The following SLC4A4 variants were observed in gnomAD, a reference collection of about 807,000 sequenced individuals.
SLC4A4 encodes solute carrier family 4 member 4, also known as electrogenic sodium bicarbonate cotransporter 1.
SLC4A4 carries 27 observed loss-of-function variants against 111.5 expected under a neutral mutation model. The ratio of observed to expected loss-of-function variants is 0.24; its 90% CI spans 0.18 to 0.33. The LOEUF (loss-of-function observed/expected upper bound fraction) is 0.33. Among genes scored for constraint, SLC4A4 ranks in the 10% least tolerant of loss-of-function variants. The pLI, the probability that SLC4A4 is intolerant of heterozygous loss-of-function variation, is 1.00. For synonymous variants in SLC4A4, 443 were observed against 463.4 expected, an observed-to-expected ratio of 0.96 and a Z score of 0.57; for missense variants, 909 against 1,315.5, an observed-to-expected ratio of 0.69 and a Z score of 4.78.
At chr4:71,224,184 G>A (rs2149026019) in intron 1 of SLC4A4, among the ~76,000 whole-genome samples, 1 of 152,174 alleles carries the variant, frequency 6.6e-6, no homozygotes, top group East Asian at 1.9e-4. Context: ...TCTTCTCTGA[G>A]CCTGATCCTC....
chr4:71,516,375 G>T (rs1732399704), intron 16 of SLC4A4, among the ~76,000 whole-genome samples: 1 of 152,090 alleles, frequency 6.6e-6, no homozygotes, highest in Non-Finnish European at 1.5e-5. Flanking sequence ...GGGATTACAG[G>T]CGTGAGCCAC....
intron 3 of SLC4A4, among the ~76,000 whole-genome samples, chr4:71,299,259 A>C (rs987952485): frequency 1.3e-5 from 2 of 152,248 alleles, no homozygotes; most frequent in African/African-American, 4.8e-5. Flanking sequence ...GGTGCTAAGG[A>C]AATGAGTAGC....
intron 3 of SLC4A4, among the ~76,000 whole-genome samples, chr4:71,268,897 G>T (rs1346262177): frequency 6.6e-6 from 1 of 152,230 alleles, no homozygotes; most frequent in African/African-American, 2.4e-5. Context: ...TTATTTTTGT[G>T]TAGTGCTGTA....
chr4:71,526,590 C>T (rs2149201761), intron 16 of SLC4A4, among the ~76,000 whole-genome samples: 2 of 152,178 alleles, frequency 1.3e-5, no homozygotes, highest in Middle Eastern at 6.8e-3. Context: ...GTATCATTAA[C>T]ATATCTCTGT....
intron 7 of SLC4A4, among the ~76,000 whole-genome samples, chr4:71,403,024 A>G (rs1281905422): frequency 2.0e-5 from 3 of 152,202 alleles, no homozygotes; most frequent in South Asian, 2.1e-4. Context: ...GTATTTTAAA[A>G]TTGGGACAGT....
intron 2 of SLC4A4, among the ~76,000 whole-genome samples, chr4:71,109,242 G>A (rs1400010041): frequency 2.0e-5 from 3 of 152,010 alleles, no homozygotes; most frequent in Admixed American, 1.3e-4. Flanking sequence ...CTTTTCCTGG[G>A]CATTCATGGT....
upstream of SLC4A4, among the ~76,000 whole-genome samples, chr4:71,185,668 C>A (rs76980738): frequency 6.6e-6 from 1 of 152,150 alleles, no homozygotes; most frequent in African/African-American, 2.4e-5. Flanking sequence ...AGGCTCCATA[C>A]CTGCTTTCCA....
chr4:71,362,008 C>T (rs919973286), intron 6 of SLC4A4, among the ~76,000 whole-genome samples: 9 of 151,816 alleles, frequency 5.9e-5, no homozygotes, highest in African/African-American at 1.5e-4. Flanking sequence ...TTGTCTTATC[C>T]CAAAGCTTGC....
rs71673479 is a variant in SLC4A4 at position 71,534,586 on chromosome 4, GA to G, written c.2442+210del. Among the ~76,000 whole-genome samples, 40,149 of 139,174 alleles carry G rather than the reference GA, an allele frequency of 0.29. 6,155 individuals carry two copies. The highest frequency in any genetic ancestry group is 0.45 in the African/African-American group (17,337 of 38,866). The allele number at this position is 139,174 out of a possible 152,430, so 91.3% of individuals were successfully genotyped here. ...CTTTAGGGAGAGCTCATTTAAATCT[GA>G]AAAAAAAAAAAGGTTTCAAATCATA... On this transcript the variant is annotated intron_variant, in intron 18 of 25. Coordinates refer to ENST00000264485, the MANE Select transcript of SLC4A4 (RefSeq NM_001098484.3).
At chr4:71,464,618 G>A (rs888430444) in intron 12 of SLC4A4, among the ~76,000 whole-genome samples, 9 of 152,122 alleles carry the variant, frequency 5.9e-5, no homozygotes, top group Admixed American at 4.6e-4. Flanking sequence ...GTTTCAGAGT[G>A]TGTGTATTTG....
intron 3 of SLC4A4, among the ~76,000 whole-genome samples, chr4:71,302,563 A>T (rs912153275): frequency 7.9e-5 from 12 of 152,174 alleles, no homozygotes; most frequent in Admixed American, 5.9e-4. Flanking sequence ...CTTGAACCTA[A>T]TGGGGTTGCC....
At chr4:71,110,631 A>T (rs1245879004) in intron 2 of SLC4A4, among the ~76,000 whole-genome samples, 1 of 152,224 alleles carries the variant, frequency 6.6e-6, no homozygotes, top group African/African-American at 2.4e-5. Context: ...GGGCAGGCAT[A>T]TCTAATGGTC....
intron 8 of SLC4A4, among the ~76,000 whole-genome samples, chr4:71,443,473 A>G (rs1008613664): frequency 1.3e-5 from 2 of 151,938 alleles, no homozygotes; most frequent in African/African-American, 2.4e-5. Flanking sequence ...TGAGCTATAT[A>G]GGGGATGAAT....
At position 71,497,605 on chromosome 4, in the gene SLC4A4, A is replaced by G. The variant is rs762317514; in HGVS notation, c.2079A>G (p.Thr693=). 9.3e-6 allele frequency: 15 copies of G among 1,613,370 alleles called. No individual in the cohort carries two copies. The highest frequency in any genetic ancestry group is 1.2e-5 in the Non-Finnish European group (14 of 1,179,718). ...ACTGTAATTTTGTTCCTGATATCACACTCATGTCTTTTATCCTCTTCTTGG... is the reference window on the plus strand; with the variant it reads ...ACTGTAATTTTGTTCCTGATATCACGCTCATGTCTTTTATCCTCTTCTTGG... ...GNNCNFVPDI[T]LMSFILFLGT... is the part of the protein sequence containing the mutation. Residue 693 remains threonine, a synonymous_variant, in exon 16 of 26, where the codon ACA becomes ACG. Transcript: ENST00000264485.
intron 16 of SLC4A4, among the ~76,000 whole-genome samples, chr4:71,528,023 G>A (rs981705913): frequency 3.3e-5 from 5 of 152,030 alleles, no homozygotes; most frequent in Non-Finnish European, 7.4e-5. Context: ...AGTGAAGTAG[G>A]ATGCAAGTCA....
intron 3 of SLC4A4, among the ~76,000 whole-genome samples, chr4:71,284,673 C>G (rs952770364): frequency 6.6e-6 from 1 of 152,164 alleles, no homozygotes; most frequent in African/African-American, 2.4e-5. Context: ...CTTGGCTTAC[C>G]AGTCAACTCT....
chr4:71,443,699 A>G (rs1385705327), intron 8 of SLC4A4, among the ~76,000 whole-genome samples: 4 of 152,210 alleles, frequency 2.6e-5, no homozygotes, highest in African/African-American at 9.7e-5. Context: ...CTTGATTTGC[A>G]CATGTAAGGT....
chr4:71,083,914 A>G (rs1348103061), intron 1 of SLC4A4, among the ~76,000 whole-genome samples: 1 of 151,282 alleles, frequency 6.6e-6, no homozygotes, highest in Admixed American at 6.6e-5. Flanking sequence ...CATCTTTGTT[A>G]TGGTTATTCG....
chr4:71,527,887 A>G (rs1055427145), intron 16 of SLC4A4, among the ~76,000 whole-genome samples: 7 of 152,066 alleles, frequency 4.6e-5, no homozygotes, highest in Admixed American at 2.0e-4. Flanking sequence ...CATGAGAGTG[A>G]ATGTAATCAC....
Sources: gnomAD v4.1 joint callset for allele counts (sites outside exome capture counted in the v4.1 genomes callset) on GRCh38, gnomAD v4.1.1 for gene constraint, MANE v1.5 for transcripts, NCBI Gene and HGNC (gene_info 2026-07-23, HGNC 2026-07-21) for gene names.